EPB41L4B: variants seen among roughly 807,000 people sequenced by gnomAD.
EPB41L4B encodes the protein erythrocyte membrane protein band 4.1 like 4B.
In EPB41L4B, 30 loss-of-function variants were observed where a neutral mutation model predicts 112.5. The observed-to-expected ratio is 0.27, with a 90% CI of 0.20 to 0.36. The LOEUF is 0.36. EPB41L4B is among the 10% of genes least tolerant of loss of function. EPB41L4B has a pLI of 1.00. For synonymous variants in EPB41L4B, 408 were observed against 439.7 expected (o/e 0.93, Z 0.90); for missense variants, 1,024 against 1,133.3 (o/e 0.90, Z 1.38).
intron 7 of EPB41L4B, 97 bp from the exon 8 acceptor site, chr9:109,256,577 A>C: frequency 9.7e-7 from 1 of 1,034,848 alleles, no homozygotes; most frequent in South Asian, 1.4e-5. Context: ...TGCAGCAATT[A>C]AAGCAATGAG....
chr9:109,257,969 C>T (rs1024553691), intron 7 of EPB41L4B, among the ~76,000 whole-genome samples: 1 of 152,156 alleles, frequency 6.6e-6, no homozygotes, highest in African/African-American at 2.4e-5. Flanking sequence ...GCACTCTGGC[C>T]TGGGCAACAG....
chr9:109,179,155 C>T (rs973653289), intron 24 of EPB41L4B, among the ~76,000 whole-genome samples: 6 of 152,214 alleles, frequency 3.9e-5, no homozygotes, highest in Non-Finnish European at 8.8e-5. Flanking sequence ...GATGGACCAA[C>T]ATACTCGGCT....
At chr9:109,250,925 G>A (rs540311100) in intron 13 of EPB41L4B, among the ~76,000 whole-genome samples, 1 of 152,336 alleles carries the variant, frequency 6.6e-6, no homozygotes, top group East Asian at 1.9e-4. Context: ...GAGGTGAGTA[G>A]CTGTGAAAGA....
At position 109,217,134 on chromosome 9, in the gene EPB41L4B, G is replaced by C. The variant is rs201189873; in HGVS notation, c.1421C>G (p.Pro474Arg). The change falls in exon 16 of 26, where the codon CCT becomes CGT. Residue 474 changes from proline (P) to arginine (R), a missense_variant. Coordinates refer to ENST00000374566, the MANE Select transcript of EPB41L4B (RefSeq NM_019114.5). ...PHSPNVSYPL[P>R]SPVLSSSDRL... ...GTCCGAGCTGCTAAGCACTGGGGAA[G>C]GGAGCGGGTAGCTGTGGAGGGTGAC... The C allele has an allele frequency of 1.2e-6, 2 of 1,613,892 alleles. No individual in the cohort carries two copies. Among genetic ancestry groups the C allele is most frequent in the Non-Finnish European group, 8.5e-7 (1 of 1,180,040 alleles).
At chr9:109,237,106 C>T (rs1834172551) in intron 15 of EPB41L4B, among the ~76,000 whole-genome samples, 1 of 152,122 alleles carries the variant, frequency 6.6e-6, no homozygotes, top group Non-Finnish European at 1.5e-5. Flanking sequence ...CAGAGCGGGA[C>T]CCAGGAGGCT....
Position 109,320,206 on chromosome 9 carries a change from C to A in EPB41L4B, c.241G>T (p.Ala81Ser). Residue 81 changes from alanine to serine, a missense_variant, in exon 1 of 26, where the codon GCC (alanine) becomes TCC (serine). Physicochemically the swap from Ala to Ser is moderately conservative, Grantham distance 99. Coordinates refer to ENST00000374566, the MANE Select transcript of EPB41L4B (RefSeq NM_019114.5). The stretch of plus-strand genomic sequence containing the variant: ...ACGCGGCAGTAGAGGGTGGCCTTGG[C>A]GGCGCCGGCGGCGGAGATGTGCACG... ...AAVHISAAGA[A>S]KATLYCRVFL... 3 of 1,429,214 alleles carry A rather than the reference C, an allele frequency of 2.1e-6. No individual in the cohort carries two copies. Among genetic ancestry groups the A allele is most frequent in the Non-Finnish European group, 2.8e-6 (3 of 1,086,416 alleles). 88.5% of individuals were successfully genotyped at this position (1,429,214 alleles called of 1,614,324 possible).
chr9:109,182,858 T>C, intron 23 of EPB41L4B, 61 bp from the exon 24 acceptor site: 1 of 1,235,318 alleles, frequency 8.1e-7, no homozygotes, highest in Non-Finnish European at 1.2e-6. Flanking sequence ...TTTTGCAATC[T>C]TTGGCAGCGC....
At chr9:109,279,122 G>A (rs892942426) in intron 2 of EPB41L4B, among the ~76,000 whole-genome samples, 4 of 152,038 alleles carry the variant, frequency 2.6e-5, no homozygotes, top group Admixed American at 2.6e-4. Flanking sequence ...GCCAGACTCT[G>A]TAAGAAGATG....
At chr9:109,182,637 G>A in intron 24 of EPB41L4B, 92 bp downstream of exon 24, 1 of 890,332 alleles carries the variant, frequency 1.1e-6, no homozygotes, top group Non-Finnish European at 1.9e-6. Context: ...ATCAAAAGAA[G>A]CGGTTGACCT....
At chr9:109,287,639 T>G (rs1836343812) in intron 1 of EPB41L4B, among the ~76,000 whole-genome samples, 1 of 152,142 alleles carries the variant, frequency 6.6e-6, no homozygotes, top group African/African-American at 2.4e-5. Context: ...TCAGATGATG[T>G]GTCTTTCTTT....
intron 20 of EPB41L4B, among the ~76,000 whole-genome samples, chr9:109,196,501 T>G (rs1424858553): frequency 6.6e-6 from 1 of 152,170 alleles, no homozygotes. Context: ...GGCGATTGCT[T>G]GAGCACAGGA....
intron 15 of EPB41L4B, among the ~76,000 whole-genome samples, chr9:109,226,652 G>A (rs1192890927): frequency 1.9e-5 from 2 of 106,892 alleles, no homozygotes; most frequent in South Asian, 7.0e-4. Flanking sequence ...TATATATGAA[G>A]AATATATATA....
At chr9:109,181,121 C>T (rs765108266) in intron 24 of EPB41L4B, among the ~76,000 whole-genome samples, 34 of 152,146 alleles carry the variant, frequency 2.2e-4, no homozygotes, top group Non-Finnish European at 3.8e-4. Context: ...CAGAGATCCT[C>T]CCGCCTCAGC....
At chr9:109,233,271 C>A (rs553776256) in intron 15 of EPB41L4B, among the ~76,000 whole-genome samples, 1 of 152,068 alleles carries the variant, frequency 6.6e-6, no homozygotes, top group African/African-American at 2.4e-5. Context: ...ATTTCAGTTC[C>A]AATATATTGA....
intron 15 of EPB41L4B, among the ~76,000 whole-genome samples, chr9:109,234,084 A>T (rs1053651971): frequency 2.1e-5 from 3 of 140,626 alleles, no homozygotes; most frequent in African/African-American, 7.8e-5. Flanking sequence ...TCTGGATTTT[A>T]CCCATCAGAC....
intron 1 of EPB41L4B, among the ~76,000 whole-genome samples, chr9:109,288,972 T>TAA (rs1327212344): frequency 6.6e-6 from 1 of 152,010 alleles, no homozygotes; most frequent in Non-Finnish European, 1.5e-5. Flanking sequence ...CAATCTAAGG[T>TAA]ATTTAGTCAC....
intron 25 of EPB41L4B, 105 bp from the exon 26 acceptor site, chr9:109,174,728 A>C: frequency 1.1e-6 from 1 of 918,668 alleles, no homozygotes; most frequent in Non-Finnish European, 1.7e-6. Flanking sequence ...TCAGTGTTGG[A>C]CTTTCTTTTT....
intron 1 of EPB41L4B, among the ~76,000 whole-genome samples, chr9:109,310,884 C>T (rs1347299915): frequency 6.6e-6 from 1 of 152,224 alleles, no homozygotes; most frequent in African/African-American, 2.4e-5. Flanking sequence ...GCACCTGCTA[C>T]ATACAACATG....
At chr9:109,272,659 A>C (rs1835667405) in intron 2 of EPB41L4B, among the ~76,000 whole-genome samples, 1 of 151,818 alleles carries the variant, frequency 6.6e-6, no homozygotes, top group Non-Finnish European at 1.5e-5. Context: ...AGGCTGAGTC[A>C]GAAGAGTCCC....
Sources: allele counts gnomAD v4.1 joint callset (sites outside exome capture counted in the v4.1 genomes callset), GRCh38; gene constraint gnomAD v4.1.1; transcripts MANE v1.5; gene names NCBI Gene and HGNC (gene_info 2026-07-23, HGNC 2026-07-21).